The following ANXA3 variants were observed in gnomAD, a reference collection of about 807,000 sequenced individuals.
ANXA3 encodes the protein annexin A3, also known as 35-alpha calcimedin.
In ANXA3, 46 loss-of-function variants were observed where a neutral mutation model predicts 48.8. The ratio of observed to expected loss-of-function variants is 0.94; its 90% CI spans 0.74 to 1.21. The LOEUF (loss-of-function observed/expected upper bound fraction) is 1.21, where lower values mean the gene tolerates loss of function less well. ANXA3 is among the 50% of genes most tolerant of loss of function. The pLI is 0.00. For missense variants in ANXA3, 383 were observed against 378.6 expected (o/e 1.01, Z -0.10); for synonymous variants, 128 against 134.7 (o/e 0.95, Z 0.35).
intron 7 of ANXA3, 115 bp downstream of exon 7, chr4:78,591,738 A>C (rs767197371): frequency 4.1e-5 from 30 of 729,548 alleles, no homozygotes; most frequent in Non-Finnish European, 6.5e-5. Flanking sequence ...TTTCCTTATG[A>C]AATGGTTTGT....
intron 2 of ANXA3, among the ~76,000 whole-genome samples, chr4:78,563,827 C>T (rs916720052): frequency 6.6e-6 from 1 of 152,120 alleles, no homozygotes; most frequent in Non-Finnish European, 1.5e-5. Flanking sequence ...GATATAAATT[C>T]TCTATATATT....
At chr4:78,608,834 G>A (rs1431976029) in intron 12 of ANXA3, among the ~76,000 whole-genome samples, 2 of 152,104 alleles carry the variant, frequency 1.3e-5, no homozygotes, top group Non-Finnish European at 2.9e-5. Context: ...CATGTGGAGA[G>A]GTCAAGTAAG....
In ANXA3 at chr4:78,566,753, A is replaced by G. The variant is rs192170619; in HGVS notation, c.16-6427A>G. Reference sequence around the variant, plus strand: ...GTGACGGGTACACTAATAAAAGCCAAGACTTCACCACCATGCACCATCTGC... The same window carrying G: ...GTGACGGGTACACTAATAAAAGCCAGGACTTCACCACCATGCACCATCTGC... On this transcript the variant is annotated intron_variant, in intron 2 of 12. Transcript: ENST00000264908. Among the ~76,000 whole-genome samples, 355 of 152,318 alleles carry G rather than the reference A, an allele frequency of 2.3e-3. 3 individuals are homozygous for G. Among genetic ancestry groups the G allele is most frequent in the African/African-American group, 8.3e-3 (347 of 41,568 alleles).
intron 12 of ANXA3, among the ~76,000 whole-genome samples, chr4:78,604,845 T>C (rs2109951125): frequency 6.6e-6 from 1 of 152,368 alleles, no homozygotes; most frequent in African/African-American, 2.4e-5. Flanking sequence ...TTAACAGCTG[T>C]ATATCATTCC....
intron 12 of ANXA3, among the ~76,000 whole-genome samples, chr4:78,606,004 G>C (rs1723639154): frequency 6.6e-6 from 1 of 152,222 alleles, no homozygotes; most frequent in Non-Finnish European, 1.5e-5. Flanking sequence ...TAGTAAATGA[G>C]TGATAGAGAG....
intron 6 of ANXA3, among the ~76,000 whole-genome samples, chr4:78,588,942 A>G (rs111313725): frequency 1.6e-4 from 24 of 152,356 alleles, no homozygotes; most frequent in African/African-American, 4.3e-4. Context: ...TACAAAACCC[A>G]TCAGAACCAG....
chr4:78,595,280 G>T, intron 7 of ANXA3, 101 bp from the exon 8 acceptor site: 1 of 1,281,088 alleles, frequency 7.8e-7, no homozygotes, highest in Non-Finnish European at 1.1e-6. Flanking sequence ...AACCTGTCCT[G>T]CCTTAAAGAA....
intron 5 of ANXA3, among the ~76,000 whole-genome samples, chr4:78,585,473 T>C (rs1723155361): frequency 6.6e-6 from 1 of 152,250 alleles, no homozygotes; most frequent in Non-Finnish European, 1.5e-5. Context: ...AGCATACATA[T>C]GGTACTTCTG....
At chr4:78,565,727 C>G (rs915933674) in intron 2 of ANXA3, among the ~76,000 whole-genome samples, 1 of 152,200 alleles carries the variant, frequency 6.6e-6, no homozygotes, top group African/African-American at 2.4e-5. Flanking sequence ...TCTATAAAAT[C>G]ACGGTATTAA....
chr4:78,573,651 T>C (rs1426966532), intron 3 of ANXA3, among the ~76,000 whole-genome samples: 1 of 152,024 alleles, frequency 6.6e-6, no homozygotes, highest in Non-Finnish European at 1.5e-5. Flanking sequence ...GGAGTGTGAG[T>C]GTACTCAAGA....
chr4:78,608,122 G>T (rs1156793492), intron 12 of ANXA3, among the ~76,000 whole-genome samples: 1 of 152,052 alleles, frequency 6.6e-6, no homozygotes, highest in Non-Finnish European at 1.5e-5. Context: ...ACAATTATAA[G>T]CAAAGGGGGT....
chr4:78,570,344 T>C (rs531106310), intron 2 of ANXA3, among the ~76,000 whole-genome samples: 1 of 152,356 alleles, frequency 6.6e-6, no homozygotes, highest in African/African-American at 2.4e-5. Flanking sequence ...AGTGAAAAGT[T>C]CACAGCTGGA....
intron 4 of ANXA3, among the ~76,000 whole-genome samples, chr4:78,581,557 A>C (rs1387358856): frequency 6.6e-6 from 1 of 152,258 alleles, no homozygotes; most frequent in Non-Finnish European, 1.5e-5. Flanking sequence ...CCCTGATCTG[A>C]TTACCATACA....
chr4:78,587,221 T>C (rs1004298567), intron 6 of ANXA3, among the ~76,000 whole-genome samples: 1 of 152,210 alleles, frequency 6.6e-6, no homozygotes, highest in Non-Finnish European at 1.5e-5. Flanking sequence ...GGGGTTTCGT[T>C]ATATAAGCAT....
intron 3 of ANXA3, among the ~76,000 whole-genome samples, chr4:78,576,529 T>C (rs923254573): frequency 2.6e-5 from 4 of 152,176 alleles, no homozygotes; most frequent in Non-Finnish European, 5.9e-5. Flanking sequence ...ACTCCTGGGC[T>C]CAAGTAATCC....
Position 78,597,391 on chromosome 4 carries a change from T to G in ANXA3, c.707T>G (p.Phe236Cys). The change falls in exon 10 of 13, where the codon TTT becomes TGT. Residue 236 changes from phenylalanine to cysteine, a missense_variant. Physicochemically the swap from Phe to Cys is radical, Grantham distance 205. Coordinates refer to ENST00000264908, the MANE Select transcript of ANXA3 (RefSeq NM_005139.3). ...DSIKGELSGH[F>C]EDLLLAIVNC... The stretch of plus-strand genomic sequence containing the variant: ...ATAAAAGGAGAATTATCTGGGCATT[T>G]TGAAGACTTACTGTTGGCCATAGGT... The G allele has an allele frequency of 6.2e-7, 1 of 1,610,196 alleles. No homozygotes were observed. Among genetic ancestry groups the G allele is most frequent in the Non-Finnish European group, 8.5e-7 (1 of 1,177,906 alleles).
chr4:78,582,110 A>C (rs1723082916), intron 4 of ANXA3, 67 bp from the exon 5 acceptor site: 8 of 967,554 alleles, frequency 8.3e-6, no homozygotes, highest in Middle Eastern at 4.4e-4. Context: ...TTCATCTTTC[A>C]CTAGGTGACT....
At chr4:78,605,855 G>A (rs11733269) in intron 12 of ANXA3, among the ~76,000 whole-genome samples, 117,160 of 152,250 alleles carry the variant, frequency 0.77, 45,642 homozygotes, top group East Asian at 0.9. Context: ...CCTTAAGCTC[G>A]TGGTTCAAAA....
In ANXA3 at chr4:78,582,230, G is replaced by T; in HGVS notation, c.252G>T (p.Met84Ile). The T allele has an allele frequency of 6.2e-7, 1 of 1,613,834 alleles. No homozygotes were observed. Among genetic ancestry groups the T allele is most frequent in the South Asian group, 1.1e-5 (1 of 91,076 alleles). Residue 84 changes from methionine to isoleucine, a missense_variant, in exon 5 of 13, where the codon ATG becomes ATT. Coordinates refer to ENST00000264908, the MANE Select transcript of ANXA3 (RefSeq NM_005139.3). ...GDLSGHFEHL[M>I]VALVTPPAVF... ...TCTCTGGCCACTTTGAGCATCTCAT[G>T]GTGGCCCTAGTGACTCCACCAGCAG...
Sources: allele counts gnomAD v4.1 joint callset (sites outside exome capture counted in the v4.1 genomes callset), GRCh38; gene constraint gnomAD v4.1.1; transcripts MANE v1.5; gene names NCBI Gene and HGNC (gene_info 2026-07-23, HGNC 2026-07-21).